Variants in SAMD12 observed in about 807,000 individuals in gnomAD.
SAMD12 encodes sterile alpha motif domain containing 12.
A neutral mutation model predicts 15.0 loss-of-function variants in SAMD12; 9 were observed. The observed-to-expected ratio is 0.60, with a 90% CI of 0.36 to 1.05. The LOEUF (loss-of-function observed/expected upper bound fraction) is 1.05. SAMD12 is among the 50% of genes least tolerant of loss of function. SAMD12 has a pLI of 0.01. For missense variants in SAMD12, 230 were observed against 234.2 expected (o/e 0.98, Z 0.12); for synonymous variants, 86 against 90.1 (o/e 0.96, Z 0.25).
At chr8:118,206,797 A>C (rs2514955) in intron 4 of SAMD12, among the ~76,000 whole-genome samples, 1 of 151,950 alleles carries the variant, frequency 6.6e-6, no homozygotes, top group Non-Finnish European at 1.5e-5. Flanking sequence ...GTGACTTTGA[A>C]TTCATAATAA....
At chr8:118,500,278 A>C (rs113381152) in intron 2 of SAMD12, among the ~76,000 whole-genome samples, 3 of 151,180 alleles carry the variant, frequency 2.0e-5, no homozygotes, top group African/African-American at 7.3e-5. Context: ...GGGTTTCTCC[A>C]TGTTGGTCAG....
At chr8:118,278,341 C>T (rs1267764119) in intron 4 of SAMD12, among the ~76,000 whole-genome samples, 3 of 152,216 alleles carry the variant, frequency 2.0e-5, no homozygotes, top group South Asian at 2.1e-4. Flanking sequence ...AAGAGTGCCA[C>T]GGATAAGCTA....
At chr8:118,244,526 T>C (rs1026481353) in intron 4 of SAMD12, among the ~76,000 whole-genome samples, 4 of 152,174 alleles carry the variant, frequency 2.6e-5, no homozygotes, top group African/African-American at 7.2e-5. Flanking sequence ...GTCCTTTCCA[T>C]GGTGTGGCCC....
chr8:118,439,281 G>C (rs1822663795), intron 3 of SAMD12, among the ~76,000 whole-genome samples: 1 of 152,106 alleles, frequency 6.6e-6, no homozygotes, highest in African/African-American at 2.4e-5. Flanking sequence ...TCAGAAACTT[G>C]GAACATTGCT....
intron 2 of SAMD12, among the ~76,000 whole-genome samples, chr8:118,500,007 TC>T (rs137960427): frequency 0.19 from 27,795 of 142,562 alleles, 2,767 homozygotes; most frequent in South Asian, 0.41. Context: ...ATCTGTACGG[TC>T]CCCCCACATA....
intron 4 of SAMD12, among the ~76,000 whole-genome samples, chr8:118,230,168 G>C (rs2129917516): frequency 6.6e-6 from 1 of 152,238 alleles, no homozygotes; most frequent in East Asian, 1.9e-4. Context: ...CTTGCTGTGG[G>C]CCAGGCACCA....
intron 4 of SAMD12, among the ~76,000 whole-genome samples, chr8:118,271,701 A>G (rs1248271599): frequency 6.6e-6 from 1 of 152,194 alleles, no homozygotes; most frequent in Non-Finnish European, 1.5e-5. Context: ...AAATTGGCCA[A>G]AACAAAGGGG....
At chr8:118,447,496 G>C (rs973347949) in intron 2 of SAMD12, among the ~76,000 whole-genome samples, 1 of 151,732 alleles carries the variant, frequency 6.6e-6, no homozygotes, top group Admixed American at 6.6e-5. Flanking sequence ...GTAGAGATGG[G>C]GTTTCACCAT....
intron 4 of SAMD12, among the ~76,000 whole-genome samples, chr8:118,354,387 A>C (rs771618702): frequency 2.0e-5 from 3 of 152,114 alleles, no homozygotes; most frequent in Non-Finnish European, 4.4e-5. Flanking sequence ...TTTCCTCCGT[A>C]ATTTTCATAA....
At chr8:118,481,936 T>A (rs529930706) in intron 2 of SAMD12, among the ~76,000 whole-genome samples, 2 of 152,308 alleles carry the variant, frequency 1.3e-5, no homozygotes, top group East Asian at 3.9e-4. Flanking sequence ...CCTCTACCTA[T>A]ATTAACTCGT....
intron 3 of SAMD12, among the ~76,000 whole-genome samples, chr8:118,385,771 A>G (rs1352901518): frequency 1.3e-5 from 2 of 152,174 alleles, no homozygotes; most frequent in Non-Finnish European, 1.5e-5. Flanking sequence ...AATTAACATA[A>G]AGGTAATCTT....
At chr8:118,218,043 C>T (rs1298470098) in intron 4 of SAMD12, among the ~76,000 whole-genome samples, 1 of 152,144 alleles carries the variant, frequency 6.6e-6, no homozygotes, top group Non-Finnish European at 1.5e-5. Context: ...CAGCTCACAC[C>T]AAGTATAGCT....
intron 4 of SAMD12, among the ~76,000 whole-genome samples, chr8:118,289,753 T>C (rs931475903): frequency 1.3e-5 from 2 of 152,198 alleles, no homozygotes; most frequent in African/African-American, 4.8e-5. Context: ...CTCCCTAAAG[T>C]TCTGAAAGGA....
At chr8:118,430,024 C>CA (rs1484260050) in intron 3 of SAMD12, among the ~76,000 whole-genome samples, 2 of 152,100 alleles carry the variant, frequency 1.3e-5, no homozygotes, top group Admixed American at 6.5e-5. Context: ...TGCTGTTTAT[C>CA]AAGATTTCTG....
At chr8:118,581,558 C>T (rs1247225854) in intron 1 of SAMD12, among the ~76,000 whole-genome samples, 2 of 152,184 alleles carry the variant, frequency 1.3e-5, no homozygotes, top group East Asian at 3.8e-4. Context: ...AGCCCAGTGG[C>T]TTCCAGTTTT....
intron 3 of SAMD12, among the ~76,000 whole-genome samples, chr8:118,411,328 T>C (rs1482468126): frequency 6.6e-6 from 1 of 152,152 alleles, no homozygotes; most frequent in Non-Finnish European, 1.5e-5. Flanking sequence ...GCAAACATCA[T>C]CAAAGTAACA....
intron 4 of SAMD12, among the ~76,000 whole-genome samples, chr8:118,285,679 T>C (rs1813942032): frequency 6.6e-6 from 1 of 152,232 alleles, no homozygotes; most frequent in South Asian, 2.1e-4. Context: ...CTTTTCTAAC[T>C]GTGTGACTTG....
chr8:118,593,796 T>C (rs1247054035), intron 1 of SAMD12, among the ~76,000 whole-genome samples: 2 of 152,312 alleles, frequency 1.3e-5, no homozygotes, highest in East Asian at 3.9e-4. Flanking sequence ...TTTTCTATAG[T>C]TGTGTAATTG....
At chr8:118,180,568 C>CTTTA in the SAMD12 span, among the ~76,000 whole-genome samples, 12 of 151,244 alleles carry the variant, frequency 7.9e-5, no homozygotes, top group South Asian at 6.3e-4. Flanking sequence ...CTCTCTCGCT[C>CTTTA]TTTATTTATT....
Sources: gnomAD v4.1 joint callset for allele counts (sites outside exome capture counted in the v4.1 genomes callset) on GRCh38, gnomAD v4.1.1 for gene constraint, MANE v1.5 for transcripts, NCBI Gene and HGNC (gene_info 2026-07-23, HGNC 2026-07-21) for gene names.